The following SLC16A4 variants were observed in gnomAD, a reference collection of about 807,000 sequenced individuals.
SLC16A4 encodes the protein probable monocarboxylate transporter 5.
Under a neutral mutation model 47.9 loss-of-function variants are expected in SLC16A4, and 39 were observed. The observed-to-expected ratio is 0.81, with a 90% CI of 0.63 to 1.06. The LOEUF is 1.06. Ranked by LOEUF, SLC16A4 falls within the 50% of genes least tolerant of loss-of-function variation. The probability of loss-of-function intolerance (pLI) is 0.00; values close to 1 mark genes in which losing one functional copy is unlikely to be tolerated. For synonymous variants in SLC16A4, 189 were observed against 199.9 expected, an observed-to-expected ratio of 0.95 and a Z score of 0.46; for missense variants, 524 against 573.8, an observed-to-expected ratio of 0.91 and a Z score of 0.89.
At chr1:110,377,292 G>A in intron 6 of SLC16A4, 131 bp from the exon 7 acceptor site, 2 of 691,674 alleles carry the variant, frequency 2.9e-6, no homozygotes, top group Non-Finnish European at 4.9e-6. Flanking sequence ...GATTTGATTT[G>A]TGTACCAGTA....
At position 110,379,007 on chromosome 1, in the gene SLC16A4, G is replaced by A; in HGVS notation, c.876C>T (p.Asp292=). 1 of 1,614,178 alleles carries A rather than the reference G, an allele frequency of 6.2e-7. No homozygotes were observed. The highest frequency in any genetic ancestry group is 1.3e-5 in the African/African-American group (1 of 75,052). The change falls in exon 6 of 9, where the codon GAC becomes GAT. Residue 292 remains aspartate (D), a synonymous_variant. Transcript: ENST00000369779. The part of the protein sequence containing the change: ...VISWSCKQLF[D]ISLFRNPFFY... ...AGAAAGGATTTCTAAAGAGAGAAAT[G>A]TCAAACAGTTGTTTGCAGCTCCACG...
intron 8 of SLC16A4, among the ~76,000 whole-genome samples, chr1:110,364,311 T>C (rs1661247200): frequency 6.6e-6 from 1 of 152,080 alleles, no homozygotes; most frequent in African/African-American, 2.4e-5. Context: ...GATACACTAG[T>C]GAGCCAAAAC....
chr1:110,388,479 C>T (rs1412060216), intron 2 of SLC16A4, among the ~76,000 whole-genome samples: 2 of 152,062 alleles, frequency 1.3e-5, no homozygotes, highest in Non-Finnish European at 2.9e-5. Context: ...ATGTCCCCAC[C>T]CCTTATCGGT....
At chr1:110,380,375 G>A (rs1385209348) in intron 5 of SLC16A4, among the ~76,000 whole-genome samples, 1 of 152,036 alleles carries the variant, frequency 6.6e-6, no homozygotes, top group Non-Finnish European at 1.5e-5. Flanking sequence ...ACATATACAT[G>A]TATTTTTTCC....
At chr1:110,364,365 T>A (rs1160688013) in intron 8 of SLC16A4, among the ~76,000 whole-genome samples, 1 of 151,988 alleles carries the variant, frequency 6.6e-6, no homozygotes, top group African/African-American at 2.4e-5. Context: ...GGGAGATAGG[T>A]ACCAACCACA....
chr1:110,383,934 G>T lies in SLC16A4; in HGVS notation c.88-968C>A, dbSNP rs529248821. 2.7e-3 allele frequency among the ~76,000 whole-genome samples: 412 copies of T among 150,118 alleles called. 1 individual carries two copies. The highest frequency in any genetic ancestry group is 0.017 in the Middle Eastern group (5 of 292). ...GGGAATGAACAAGGACAGCTTGGAA[G>T]TTAGAAGCAGGATGGATGGAGTTGG... On this transcript the variant is annotated intron_variant, in intron 2 of 8. Coordinates refer to ENST00000369779, the MANE Select transcript of SLC16A4 (RefSeq NM_004696.3).
Position 110,365,059 on chromosome 1 carries a change from G to C in SLC16A4, c.1337-1166C>G, listed in dbSNP as rs1661306326. 2.6e-5 allele frequency among the ~76,000 whole-genome samples: 4 copies of C among 151,894 alleles called. No homozygotes were observed. In the South Asian group the frequency reaches 8.3e-4, roughly 32 times the overall value. The stretch of plus-strand genomic sequence containing the variant: ...TCCTAAAGGGTCTCAAGGATCTCTG[G>C]GGGTCTGTTGACCTCACTTTGAGAA... On this transcript the variant is annotated intron_variant, in intron 8 of 8. Transcript: ENST00000369779.
chr1:110,380,089 A>G (rs1275156110), intron 5 of SLC16A4, among the ~76,000 whole-genome samples: 1 of 146,754 alleles, frequency 6.8e-6, no homozygotes, highest in Non-Finnish European at 1.5e-5. Flanking sequence ...GGGAGGGAGG[A>G]AGGCATGGAT....
intron 8 of SLC16A4, among the ~76,000 whole-genome samples, chr1:110,365,975 T>A (rs1557899923): frequency 6.6e-6 from 1 of 152,092 alleles, no homozygotes; most frequent in Non-Finnish European, 1.5e-5. Flanking sequence ...AAATTTCTTG[T>A]AGAGACTGGA....
chr1:110,384,213 C>T (rs571280355), intron 2 of SLC16A4, among the ~76,000 whole-genome samples: 26 of 152,226 alleles, frequency 1.7e-4, no homozygotes, highest in African/African-American at 6.0e-4. Context: ...ATAATTATTC[C>T]TGTCAGTTCT....
rs927701779 is a variant in SLC16A4, at chr1:110,388,120, G to T, written c.87+1117C>A. On this transcript the variant is annotated intron_variant, in intron 2 of 8. Transcript: ENST00000369779. ...CGGCAAGAAAAGGGTGTTTTTTTTT[G>T]AGTGCATCTCAAAGTTAATAGAACT... Among the ~76,000 whole-genome samples the T allele has an allele frequency of 7.3e-5, 11 of 151,554 alleles. No individual in the cohort carries two copies. The East Asian group carries it at 7.7e-4, about 11-fold the overall frequency.
At chr1:110,375,003 G>GT (rs1259130026) in intron 8 of SLC16A4, 1 of 153,414 alleles carries the variant, frequency 6.5e-6, no homozygotes, top group Non-Finnish European at 1.4e-5. Flanking sequence ...GTTTTGTTTT[G>GT]TTTTTTATTT....
chr1:110,365,308 C>A (rs1661322115), intron 8 of SLC16A4, among the ~76,000 whole-genome samples: 2 of 151,856 alleles, frequency 1.3e-5, no homozygotes, highest in Admixed American at 1.3e-4. Flanking sequence ...CCACCTTTTT[C>A]TTCTGGTCTG....
intron 8 of SLC16A4, among the ~76,000 whole-genome samples, chr1:110,364,297 T>C (rs1661245892): frequency 6.6e-6 from 1 of 152,066 alleles, no homozygotes; most frequent in Non-Finnish European, 1.5e-5. Flanking sequence ...TGCTAGGTGT[T>C]GAGGATACAC....
In SLC16A4 at chr1:110,388,211, G is replaced by C. The variant is rs561457339; in HGVS notation, c.87+1026C>G. On this transcript the variant is annotated intron_variant, in intron 2 of 8. Transcript: ENST00000369779. ...GGAGAGCTGTGTGGGGCATAGCTGG[G>C]GTTCACCAACATTCTGGAATGGGCA... is the stretch of plus-strand genomic sequence containing the variant. 2.0e-5 allele frequency among the ~76,000 whole-genome samples: 3 copies of C among 152,192 alleles called. No individual in the cohort carries two copies. The South Asian group carries it at 6.2e-4, about 32-fold the overall frequency.
Position 110,376,963 on chromosome 1 carries a change from A to G in SLC16A4, c.1229T>C (p.Ile410Thr). ...AIFAGGYLAL[I>T]LPVLVDLCRN... ...GTGTCTACTCACCAGTACAGGCAGT[A>G]TCAATGCCAGGTAACCACCAGCAAA... Residue 410 changes from isoleucine (I) to threonine (T), a missense_variant, in exon 7 of 9, where the codon ATA becomes ACA. Transcript: ENST00000369779. 6.2e-7 allele frequency: 1 copy of G among 1,613,568 alleles called. No homozygotes were observed. The highest frequency in any genetic ancestry group is 2.2e-5 in the East Asian group (1 of 44,886).
intron 2 of SLC16A4, among the ~76,000 whole-genome samples, chr1:110,388,282 G>A (rs988374618): frequency 1.3e-5 from 2 of 152,152 alleles, no homozygotes; most frequent in African/African-American, 4.8e-5. Flanking sequence ...CCCCTGGGAG[G>A]GTGAGGGAAA....
intron 8 of SLC16A4, among the ~76,000 whole-genome samples, chr1:110,365,898 A>T (rs1661348871): frequency 6.6e-6 from 1 of 152,212 alleles, no homozygotes; most frequent in South Asian, 2.1e-4. Flanking sequence ...ACAGCTAAAA[A>T]TAGTAAAAAT....
At chr1:110,380,333 C>T (rs1662303270) in intron 5 of SLC16A4, among the ~76,000 whole-genome samples, 1 of 151,998 alleles carries the variant, frequency 6.6e-6, no homozygotes, top group South Asian at 2.1e-4. Flanking sequence ...AACAAAACTG[C>T]CATGTAGATA....
Sources: gnomAD v4.1 joint callset for allele counts (sites outside exome capture counted in the v4.1 genomes callset) on GRCh38, gnomAD v4.1.1 for gene constraint, MANE v1.5 for transcripts, NCBI Gene and HGNC (gene_info 2026-07-23, HGNC 2026-07-21) for gene names.